Variants in HPSE2 observed in about 807,000 individuals in gnomAD.
The protein encoded by HPSE2 is heparanase 2 (inactive).
A neutral mutation model predicts 60.5 loss-of-function variants in HPSE2; 38 were observed. The ratio of observed to expected loss-of-function variants is 0.63; its 90% confidence interval spans 0.48 to 0.82. The LOEUF is 0.82. Among genes scored for constraint, HPSE2 ranks in the 40% least tolerant of loss-of-function variants. HPSE2 has a pLI of 0.00. For synonymous variants in HPSE2, 295 were observed against 293.2 expected (o/e 1.01, Z -0.06); for missense variants, 713 against 740.4 (o/e 0.96, Z 0.43).
rs139222193 is a variant in HPSE2 at position 98,959,609 on chromosome 10, C to T, written c.610+184629G>A. Among the ~76,000 whole-genome samples the T allele has an allele frequency of 7.6e-3, 1,163 of 152,230 alleles. 13 individuals carry two copies. Among genetic ancestry groups the T allele is most frequent in the Non-Finnish European group, 8.0e-3 (543 of 67,996 alleles). ...AGGCTGTATTTCTGAAGCTGATAAACTCCAGCAAAATCTCCCTAGTGAAGT... is the reference window on the plus strand; with the variant it reads ...AGGCTGTATTTCTGAAGCTGATAAATTCCAGCAAAATCTCCCTAGTGAAGT... On this transcript the variant is annotated intron_variant, in intron 3 of 11. Coordinates refer to ENST00000370552, the MANE Select transcript of HPSE2 (RefSeq NM_021828.5).
rs147350829 is a variant in HPSE2 at position 98,552,712 on chromosome 10, T to C, written c.1320+62192A>G. On this transcript the variant is annotated intron_variant, in intron 9 of 11. Transcript: ENST00000370552. ...TCTTGCCATCAATGACATGTCATTG[T>C]TTAATTATCAGAATTCTTTCTTTTT... 1.2e-3 allele frequency among the ~76,000 whole-genome samples: 182 copies of C among 152,328 alleles called. No homozygotes were observed. In the Middle Eastern group the frequency reaches 0.014, roughly 11 times the overall value.
intron 3 of HPSE2, among the ~76,000 whole-genome samples, chr10:99,116,867 T>C (rs1022289323): frequency 6.6e-6 from 1 of 152,036 alleles, no homozygotes; most frequent in African/African-American, 2.4e-5. Flanking sequence ...GCAGGTTATA[T>C]GGCTCAGGAA....
chr10:98,587,974 C>T (rs1341745851), intron 9 of HPSE2, among the ~76,000 whole-genome samples: 1 of 152,194 alleles, frequency 6.6e-6, no homozygotes, highest in African/African-American at 2.4e-5. Flanking sequence ...CTTTCATTCT[C>T]TATATATCAT....
intron 8 of HPSE2, among the ~76,000 whole-genome samples, chr10:98,619,582 T>C (rs1337614533): frequency 1.3e-5 from 2 of 152,202 alleles, no homozygotes; most frequent in African/African-American, 2.4e-5. Context: ...TAAGACCTTC[T>C]GTAATTTGGT....
intron 3 of HPSE2, among the ~76,000 whole-genome samples, chr10:98,910,572 A>T (rs1426728524): frequency 6.6e-6 from 1 of 152,232 alleles, no homozygotes; most frequent in Non-Finnish European, 1.5e-5. Flanking sequence ...ATCTTCCTAA[A>T]TGAGACAGAA....
chr10:99,239,884 A>G (rs1001951440), upstream of HPSE2, among the ~76,000 whole-genome samples: 1 of 152,154 alleles, frequency 6.6e-6, no homozygotes, highest in African/African-American at 2.4e-5. Flanking sequence ...AAACTGAGTA[A>G]ATTTAGCTTT....
At chr10:98,673,504 C>G (rs1947558697) in intron 6 of HPSE2, among the ~76,000 whole-genome samples, 1 of 152,162 alleles carries the variant, frequency 6.6e-6, no homozygotes, top group Non-Finnish European at 1.5e-5. Flanking sequence ...AACAATTACC[C>G]TTGGGTTCCC....
At chr10:99,298,054 C>T in the HPSE2 span, among the ~76,000 whole-genome samples, 1 of 152,196 alleles carries the variant, frequency 6.6e-6, no homozygotes, top group Non-Finnish European at 1.5e-5. Context: ...GTTCCTAGGC[C>T]CCTGGCCTGA....
rs372169556 is a variant in HPSE2, at chr10:98,620,625, G to A, written c.1182C>T (p.Ser394=). The A allele has an allele frequency of 1.1e-4, 184 of 1,613,790 alleles. No homozygotes were observed. The highest frequency in any genetic ancestry group is 5.1e-4 in the East Asian group (23 of 44,884). Residue 394 remains serine, a synonymous_variant, in exon 8 of 12, where the codon TCC becomes TCT. Transcript: ENST00000370552. ...TTSAGGTNNL[S]DSYAAGFLWL... Reference sequence around the variant, plus strand: ...ACAAGAATCCTGCAGCATAGGAATCGGATAGATTGTTTGTGCCTCCAGCTG... The same window carrying A: ...ACAAGAATCCTGCAGCATAGGAATCAGATAGATTGTTTGTGCCTCCAGCTG...
At chr10:98,809,152 C>T (rs1267521460) in intron 3 of HPSE2, among the ~76,000 whole-genome samples, 1 of 151,986 alleles carries the variant, frequency 6.6e-6, no homozygotes, top group African/African-American at 2.4e-5. Flanking sequence ...GGTTCATTTG[C>T]AAATATATTC....
chr10:99,131,076 A>C (rs1466154515), intron 3 of HPSE2, among the ~76,000 whole-genome samples: 2 of 152,238 alleles, frequency 1.3e-5, no homozygotes, highest in Non-Finnish European at 2.9e-5. Context: ...AAACAGAATT[A>C]AAAACAAAAA....
At chr10:99,289,043 A>G in the HPSE2 span, among the ~76,000 whole-genome samples, 4 of 152,178 alleles carry the variant, frequency 2.6e-5, no homozygotes, top group Non-Finnish European at 5.9e-5. Context: ...ACCAAGCCCC[A>G]AAAGATTTTT....
chr10:98,843,570 A>G (rs1951968567), intron 3 of HPSE2, among the ~76,000 whole-genome samples: 1 of 152,226 alleles, frequency 6.6e-6, no homozygotes, highest in South Asian at 2.1e-4. Flanking sequence ...TACAACATAA[A>G]GACTATGGAA....
intron 9 of HPSE2, among the ~76,000 whole-genome samples, chr10:98,494,957 A>G (rs748330572): frequency 2.1e-4 from 32 of 152,192 alleles, no homozygotes; most frequent in Non-Finnish European, 3.4e-4. Flanking sequence ...ATTTGCTCAT[A>G]TACTTAATAT....
chr10:98,908,186 T>G (rs1377889583), intron 3 of HPSE2, among the ~76,000 whole-genome samples: 1 of 152,042 alleles, frequency 6.6e-6, no homozygotes, highest in Non-Finnish European at 1.5e-5. Context: ...TCATATAAGG[T>G]AGGTAGATAA....
the HPSE2 span, among the ~76,000 whole-genome samples, chr10:99,271,367 G>A: frequency 6.6e-6 from 1 of 152,112 alleles, no homozygotes; most frequent in Non-Finnish European, 1.5e-5. Flanking sequence ...ATCAAATCAA[G>A]AACTCAACCC....
intron 11 of HPSE2, among the ~76,000 whole-genome samples, chr10:98,460,170 A>C (rs1323945854): frequency 2.0e-5 from 3 of 152,214 alleles, no homozygotes; most frequent in Non-Finnish European, 4.4e-5. Context: ...AAGAGTTTTT[A>C]CCTGTGGAAT....
chr10:99,193,010 T>A (rs910076606), intron 2 of HPSE2, among the ~76,000 whole-genome samples: 5 of 152,136 alleles, frequency 3.3e-5, no homozygotes, highest in African/African-American at 9.7e-5. Context: ...CCACTATAAT[T>A]GTAATATATA....
At chr10:98,881,877 T>TC (rs1313191904) in intron 3 of HPSE2, among the ~76,000 whole-genome samples, 4 of 151,698 alleles carry the variant, frequency 2.6e-5, no homozygotes, top group African/African-American at 9.7e-5. Flanking sequence ...AAATATTCAC[T>TC]CCTCCCTCCC....
Sources: gnomAD v4.1 joint callset for allele counts (sites outside exome capture counted in the v4.1 genomes callset) on GRCh38, gnomAD v4.1.1 for gene constraint, MANE v1.5 for transcripts, NCBI Gene and HGNC (gene_info 2026-07-23, HGNC 2026-07-21) for gene names.